PLCH2: variants seen among roughly 807,000 people sequenced by gnomAD.
PLCH2 encodes 1-phosphatidylinositol 4,5-bisphosphate phosphodiesterase eta-2.
PLCH2 carries 98 observed loss-of-function variants against 134.7 expected under a neutral mutation model. The observed-to-expected ratio is 0.73, with a 90% CI of 0.62 to 0.86. The LOEUF (loss-of-function observed/expected upper bound fraction) is 0.86, where lower values mean the gene tolerates loss of function less well. PLCH2 is among the 40% of genes least tolerant of loss of function. The pLI, the probability that PLCH2 is intolerant of heterozygous loss-of-function variation, is 0.00. For synonymous variants in PLCH2, 974 were observed against 827.5 expected, an observed-to-expected ratio of 1.18 and a Z score of -3.04; for missense variants, 1,994 against 1,986.6, an observed-to-expected ratio of 1.00 and a Z score of -0.07.
intron 21 of PLCH2, 73 bp downstream of exon 21, chr1:2,502,482 G>A: frequency 1.4e-6 from 2 of 1,422,568 alleles, no homozygotes; most frequent in Non-Finnish European, 1.9e-6. Flanking sequence ...GACGGCCCCG[G>A]GCCTGCTGGG....
intron 2 of PLCH2, among the ~76,000 whole-genome samples, chr1:2,445,783 G>T (rs371064896): frequency 6.6e-6 from 1 of 152,346 alleles, no homozygotes; most frequent in South Asian, 2.1e-4. Context: ...GGCACACACG[G>T]ATTGCCGTAA....
chr1:2,503,613 G>A (rs1477015949), intron 21 of PLCH2: 5 of 677,220 alleles, frequency 7.4e-6, no homozygotes, highest in Middle Eastern at 2.5e-4. Context: ...CGCTGCCTCC[G>A]TAGTTAGGAA....
upstream of PLCH2, among the ~76,000 whole-genome samples, chr1:2,472,223 AG>A (rs1486050912): frequency 2.6e-5 from 4 of 152,206 alleles, no homozygotes; most frequent in African/African-American, 4.8e-5. Flanking sequence ...GGCTTCTCTC[AG>A]ACGTTTAAAT....
In PLCH2 at chr1:2,480,212, A is replaced by T; in HGVS notation, c.545A>T (p.Asp182Val). 1 of 1,612,846 alleles carries T rather than the reference A, an allele frequency of 6.2e-7. No individual in the cohort carries two copies. The highest frequency in any genetic ancestry group is 1.1e-5 in the South Asian group (1 of 91,074). Residue 182 changes from aspartate to valine, a missense_variant, in exon 4 of 22, where the codon GAC becomes GTC. By Grantham distance (152) the Asp-to-Val change is radical (BLOSUM62 -3). Transcript: ENST00000378486. ...QWLKQTFDEA[D>V]KNGDGSLSIG... is the part of the protein sequence containing the mutation. ...CTGAAGCAGACGTTTGACGAGGCCG[A>T]CAAGAACGGGGATGGCAGCCTGAGC...
chr1:2,494,459 T>C (rs1642763283), intron 11 of PLCH2: 1 of 313,650 alleles, frequency 3.2e-6, no homozygotes, highest in Non-Finnish European at 6.1e-6. Flanking sequence ...CGTAAAAGGG[T>C]TGCGCAAGCA....
At chr1:2,422,745 A>G (rs756887855), upstream of PLCH2, among the ~76,000 whole-genome samples, 3 of 152,218 alleles carry the variant, frequency 2.0e-5, no homozygotes, top group South Asian at 2.1e-4. Flanking sequence ...TGGTACCATC[A>G]TAGCTCACTG....
intron 3 of PLCH2, 28 bp from the exon 4 acceptor site, chr1:2,480,155 C>T (rs1228964429): frequency 1.1e-5 from 17 of 1,611,484 alleles, no homozygotes; most frequent in East Asian, 2.2e-5. Context: ...GCCCATGGAT[C>T]GCTGTTGGCC....
rs1557970121 is a variant in PLCH2 at position 2,459,584 on chromosome 1, GCCGGTGGTCTTCCTTT to G, written c.116-18882_116-18867del. Among the ~76,000 whole-genome samples the G allele has an allele frequency of 2.9e-4, 30 of 104,980 alleles. 5 individuals carry two copies. Among genetic ancestry groups the G allele is most frequent in the Non-Finnish European group, 4.2e-4 (21 of 50,098 alleles). The allele number at this position is 104,980 out of a possible 152,430, so 68.9% of individuals were successfully genotyped here. A position where few individuals can be genotyped will look rare whatever the true frequency, so the allele number is the denominator to read the frequency against. On this transcript the variant is annotated intron_variant, in intron 2 of 3. Transcript: ENST00000609981. ...GTCCTCCTTGCCGGTGGTCCTCCTT[GCCGGTGGTCTTCCTTT>G]CCGGTGGTCCTCCTTGCCTGTGGTC...
intron 2 of PLCH2, among the ~76,000 whole-genome samples, chr1:2,451,474 C>T (rs764013702): frequency 2.6e-5 from 4 of 152,206 alleles, no homozygotes; most frequent in Non-Finnish European, 4.4e-5. Context: ...CCCTGGCAGC[C>T]CCAGTAGGGC....
chr1:2,454,586 G>A (rs1640398488), intron 2 of PLCH2, among the ~76,000 whole-genome samples: 1 of 152,094 alleles, frequency 6.6e-6, no homozygotes, highest in Non-Finnish European at 1.5e-5. Flanking sequence ...GTGGACCCCA[G>A]GCCTTCCTGC....
Position 2,505,215 on chromosome 1 carries a change from C to T in PLCH2, c.*2C>T, listed in dbSNP as rs759018684. ...AACCTGGTCCTGCTCCGCCTCTGACCGTCAGTGGTGGGAACCTGGGCGGCT... is the reference window on the plus strand; with the variant it reads ...AACCTGGTCCTGCTCCGCCTCTGACTGTCAGTGGTGGGAACCTGGGCGGCT... On this transcript the variant is annotated 3_prime_UTR_variant, in exon 22 of 22. Coordinates refer to ENST00000378486, the MANE Select transcript of PLCH2 (RefSeq NM_014638.4). 1.4e-5 allele frequency: 22 copies of T among 1,565,890 alleles called. No individual in the cohort carries two copies. Among genetic ancestry groups the T allele is most frequent in the Middle Eastern group, 2.2e-4 (1 of 4,544 alleles).
intron 2 of PLCH2, among the ~76,000 whole-genome samples, chr1:2,434,528 C>G (rs1639232364): frequency 6.6e-6 from 1 of 152,238 alleles, no homozygotes; most frequent in Non-Finnish European, 1.5e-5. Context: ...CCGCCAGGTG[C>G]GGGCGGCACA....
chr1:2,461,462 C>T (rs1640797931), intron 2 of PLCH2, among the ~76,000 whole-genome samples: 1 of 152,196 alleles, frequency 6.6e-6, no homozygotes. Flanking sequence ...GACCTGGCCC[C>T]TGGGCACTGG....
At chr1:2,485,780 C>A (rs1435522174) in intron 5 of PLCH2, among the ~76,000 whole-genome samples, 1 of 152,120 alleles carries the variant, frequency 6.6e-6, no homozygotes, top group Admixed American at 6.5e-5. Flanking sequence ...GCAGGAGGAG[C>A]CTTGGGAATC....
intron 10 of PLCH2, among the ~76,000 whole-genome samples, 157 bp from the exon 11 acceptor site, chr1:2,491,035 T>G (rs1265823146): frequency 1.3e-5 from 2 of 152,156 alleles, no homozygotes; most frequent in Admixed American, 1.3e-4. Flanking sequence ...TGGGCCTGGG[T>G]TCCCGTCCTG....
upstream of PLCH2, among the ~76,000 whole-genome samples, chr1:2,424,329 C>T (rs951043790): frequency 4.6e-5 from 7 of 152,138 alleles, no homozygotes; most frequent in Non-Finnish European, 7.4e-5. Flanking sequence ...AAAACATACC[C>T]TTCCTGTCTA....
upstream of PLCH2, among the ~76,000 whole-genome samples, chr1:2,425,241 TATGTAACACAC>T (rs1355445005): frequency 0.029 from 4,273 of 147,120 alleles, 178 homozygotes; most frequent in African/African-American, 0.11. Context: ...TACACACACA[TATGTAACACAC>T]ACATACATAC....
At chr1:2,432,506 C>T (rs929196426) in intron 2 of PLCH2, among the ~76,000 whole-genome samples, 2 of 152,224 alleles carry the variant, frequency 1.3e-5, no homozygotes, top group Non-Finnish European at 2.9e-5. Context: ...GCAGCTTGAT[C>T]CAGCTCCTGG....
intron 2 of PLCH2, among the ~76,000 whole-genome samples, chr1:2,435,546 G>A (rs1384599107): frequency 6.6e-6 from 1 of 152,108 alleles, no homozygotes; most frequent in African/African-American, 2.4e-5. Context: ...TGCAGGGACT[G>A]GGGAAGGGGC....
Sources: allele counts gnomAD v4.1 joint callset (sites outside exome capture counted in the v4.1 genomes callset), GRCh38; gene constraint gnomAD v4.1.1; transcripts MANE v1.5; gene names NCBI Gene and HGNC (gene_info 2026-07-23, HGNC 2026-07-21).